Variants in PSD3 observed in about 807,000 individuals in gnomAD.
The protein encoded by PSD3 is PH and SEC7 domain-containing protein 3.
A neutral mutation model predicts 105.5 loss-of-function variants in PSD3; 49 were observed. The observed-to-expected ratio is 0.46, with a 90% CI of 0.37 to 0.59. The LOEUF is 0.59. Ranked by LOEUF, PSD3 falls within the 20% of genes least tolerant of loss-of-function variation. PSD3 has a pLI of 0.00. For missense variants in PSD3, 1,561 were observed against 1,263.8 expected (o/e 1.24, Z -3.57); for synonymous variants, 557 against 457.8 (o/e 1.22, Z -2.77).
At chr8:19,077,801 T>C (rs1829507143) in intron 1 of PSD3, among the ~76,000 whole-genome samples, 1 of 152,206 alleles carries the variant, frequency 6.6e-6, no homozygotes, top group South Asian at 2.1e-4. Flanking sequence ...TGCTAAGTCA[T>C]AAGGTACAGT....
At chr8:19,015,789 C>G (rs1284936021), upstream of PSD3, among the ~76,000 whole-genome samples, 2 of 152,152 alleles carry the variant, frequency 1.3e-5, no homozygotes, top group African/African-American at 4.8e-5. Flanking sequence ...AGCTCCTGGC[C>G]TATAGTGAAT....
In PSD3 at chr8:18,762,868, A is replaced by G; in HGVS notation, c.2172+2581T>C. On this transcript the variant is annotated intron_variant, in intron 9 of 15. Coordinates refer to ENST00000327040, the MANE Select transcript of PSD3 (RefSeq NM_015310.4). ...AACCCTTTCTCTTCAGAAAACAACT[A>G]CAACAACAAAAAAACAGAATTTGGC... The G allele has an allele frequency of 2.5e-6, 3 of 1,191,678 alleles. No individual in the cohort carries two copies. The African/African-American group carries it at 4.8e-5, about 19-fold the overall frequency. The allele number at this position is 1,191,678 out of a possible 1,614,324, so 73.8% of individuals were successfully genotyped here. A position where few individuals can be genotyped will look rare whatever the true frequency, so the allele number is the denominator to read the frequency against.
intron 8 of PSD3, among the ~76,000 whole-genome samples, chr8:18,785,201 T>A (rs335242): frequency 0.043 from 6,519 of 152,274 alleles, 153 homozygotes; most frequent in African/African-American, 0.06. Flanking sequence ...CTGGGGCTTA[T>A]ATTGATTGGA....
intron 10 of PSD3, among the ~76,000 whole-genome samples, chr8:18,643,556 G>C (rs778789692): frequency 6.6e-6 from 1 of 152,292 alleles, no homozygotes; most frequent in Non-Finnish European, 1.5e-5. Context: ...ACTATGGTGA[G>C]ACAGACATAG....
intron 11 of PSD3, among the ~76,000 whole-genome samples, chr8:18,612,314 T>C (rs1805323376): frequency 1.3e-5 from 2 of 152,214 alleles, no homozygotes; most frequent in Admixed American, 6.5e-5. Context: ...ATTTCATTCA[T>C]GTATTCGGAA....
intron 15 of PSD3, among the ~76,000 whole-genome samples, chr8:18,549,732 T>C (rs1468807537): frequency 6.6e-6 from 1 of 152,222 alleles, no homozygotes; most frequent in East Asian, 1.9e-4. Flanking sequence ...CACACCTAGG[T>C]GGTTTACATT....
chr8:18,670,746 G>A (rs929648939), intron 9 of PSD3, among the ~76,000 whole-genome samples: 4 of 152,118 alleles, frequency 2.6e-5, no homozygotes, highest in Admixed American at 1.3e-4. Context: ...ACATTGTTAC[G>A]GTATGTTTCC....
intron 4 of PSD3, among the ~76,000 whole-genome samples, chr8:18,813,940 A>G (rs560594700): frequency 6.6e-6 from 1 of 152,324 alleles, no homozygotes; most frequent in South Asian, 2.1e-4. Flanking sequence ...CAGCATCATT[A>G]AGGTTATGAT....
intron 9 of PSD3, among the ~76,000 whole-genome samples, chr8:18,694,485 C>A (rs1168264821): frequency 1.3e-5 from 2 of 152,042 alleles, no homozygotes; most frequent in East Asian, 3.9e-4. Flanking sequence ...TGCTGGGCAC[C>A]TGTAGTCCCA....
chr8:18,687,150 A>C (rs1479686096), intron 9 of PSD3, among the ~76,000 whole-genome samples: 1 of 152,162 alleles, frequency 6.6e-6, no homozygotes, highest in Admixed American at 6.5e-5. Context: ...ATCGGCTCTC[A>C]CGTCATTCAA....
intron 4 of PSD3, among the ~76,000 whole-genome samples, chr8:18,816,689 A>G (rs1812248656): frequency 6.6e-6 from 1 of 152,208 alleles, no homozygotes; most frequent in South Asian, 2.1e-4. Context: ...TTCTAATAAG[A>G]GAGAGAAACA....
intron 1 of PSD3, among the ~76,000 whole-genome samples, chr8:18,949,516 T>C (rs1423493171): frequency 6.6e-6 from 1 of 151,886 alleles, no homozygotes; most frequent in Non-Finnish European, 1.5e-5. Context: ...CTGTAAGAAA[T>C]ACATGTCCCA....
chr8:19,037,221 C>A (rs756739481), intron 1 of PSD3, among the ~76,000 whole-genome samples: 1 of 152,238 alleles, frequency 6.6e-6, no homozygotes, highest in Non-Finnish European at 1.5e-5. Flanking sequence ...AGAATCTGAC[C>A]TGAGAAAGGT....
chr8:18,935,504 T>C (rs926115130), intron 2 of PSD3, among the ~76,000 whole-genome samples: 2 of 134,482 alleles, frequency 1.5e-5, no homozygotes, highest in Admixed American at 8.1e-5. Flanking sequence ...AGCCAGACCC[T>C]GTCTCTTAAA....
intron 1 of PSD3, among the ~76,000 whole-genome samples, chr8:18,981,290 C>A (rs867723481): frequency 2.0e-5 from 3 of 152,118 alleles, no homozygotes; most frequent in Admixed American, 6.5e-5. Context: ...AGTCACAGGT[C>A]ACCCCCCAAC....
At chr8:18,790,440 C>T (rs1055439339) in intron 8 of PSD3, among the ~76,000 whole-genome samples, 1 of 151,382 alleles carries the variant, frequency 6.6e-6, no homozygotes, top group East Asian at 1.9e-4. Flanking sequence ...GTAGCTGGGA[C>T]TACAGGCTCC....
At chr8:18,618,581 C>T (rs1245548427) in intron 11 of PSD3, among the ~76,000 whole-genome samples, 1 of 141,012 alleles carries the variant, frequency 7.1e-6, no homozygotes, top group East Asian at 1.9e-4. Context: ...TATTTTGTAA[C>T]TAAAATAACA....
At chr8:18,974,487 T>A (rs989528097) in intron 1 of PSD3, among the ~76,000 whole-genome samples, 1 of 152,140 alleles carries the variant, frequency 6.6e-6, no homozygotes, top group Non-Finnish European at 1.5e-5. Context: ...GCAAATTCTA[T>A]GAAATGAAAT....
chr8:19,078,985 A>G lies in PSD3; in HGVS notation c.324+5221T>C, dbSNP rs757377186. On this transcript the variant is annotated intron_variant, in intron 1 of 1. Coordinates refer to the PSD3 transcript ENST00000521475. ...CAGCTCCCAATCCAATTGCTTTTCA[A>G]CATGTTGCAAGGGACACAGCTGTAA... Among the ~76,000 whole-genome samples the G allele has an allele frequency of 3.9e-5, 6 of 151,926 alleles. 1 individual carries two copies. The highest frequency in any genetic ancestry group is 8.8e-5 in the Non-Finnish European group (6 of 68,016).
Sources: gnomAD v4.1 joint callset for allele counts (sites outside exome capture counted in the v4.1 genomes callset) on GRCh38, gnomAD v4.1.1 for gene constraint, MANE v1.5 for transcripts, NCBI Gene and HGNC (gene_info 2026-07-23, HGNC 2026-07-21) for gene names.